CNOT2: variants seen among roughly 807,000 people sequenced by gnomAD.
The protein encoded by CNOT2 is CCR4-NOT transcription complex subunit 2.
Under a neutral mutation model 72.1 loss-of-function variants are expected in CNOT2, and 7 were observed. That is an observed-to-expected ratio of 0.10 (90% confidence interval 0.06 to 0.18). The LOEUF is 0.18. Ranked by LOEUF, CNOT2 falls within the 10% of genes least tolerant of loss-of-function variation. The pLI is 1.00. For synonymous variants in CNOT2, 196 were observed against 225.6 expected (o/e 0.87, Z 1.17); for missense variants, 345 against 660.3 (o/e 0.52, Z 5.23).
intron 1 of CNOT2, among the ~76,000 whole-genome samples, chr12:70,276,153 G>C (rs1404123): frequency 6.6e-6 from 1 of 151,966 alleles, no homozygotes; most frequent in African/African-American, 2.4e-5. Flanking sequence ...AAGTGAACTT[G>C]TATCTGGTAA....
At chr12:70,254,242 A>G (rs1958304629) in intron 1 of CNOT2, among the ~76,000 whole-genome samples, 1 of 151,470 alleles carries the variant, frequency 6.6e-6, no homozygotes, top group African/African-American at 2.4e-5. Flanking sequence ...TGTCTCAAAA[A>G]AAAAAAAAAA....
chr12:70,286,234 T>G (rs1322693222), intron 2 of CNOT2, among the ~76,000 whole-genome samples: 1 of 149,314 alleles, frequency 6.7e-6, no homozygotes, highest in Non-Finnish European at 1.5e-5. Context: ...TCTAGGAATG[T>G]ATTTGGGAGT....
At chr12:70,316,379 G>A (rs547121034) in intron 3 of CNOT2, among the ~76,000 whole-genome samples, 1 of 152,116 alleles carries the variant, frequency 6.6e-6, no homozygotes, top group Admixed American at 6.6e-5. Flanking sequence ...CTCATAAAAA[G>A]CATTTCTGTG....
At chr12:70,294,427 C>A in intron 2 of CNOT2, 1 of 389,712 alleles carries the variant, frequency 2.6e-6, no homozygotes, top group Non-Finnish European at 4.3e-6. Flanking sequence ...AATTATTTTT[C>A]TCATAAAACT....
intron 3 of CNOT2, among the ~76,000 whole-genome samples, chr12:70,318,825 T>C (rs959396794): frequency 6.6e-6 from 1 of 151,782 alleles, no homozygotes; most frequent in African/African-American, 2.4e-5. Flanking sequence ...TTTGAGTATA[T>C]AACACTGCTA....
rs547628375 is a variant in CNOT2, at chr12:70,312,351, TA to T, written c.171+1336del. Among the ~76,000 whole-genome samples the T allele has an allele frequency of 2.8e-4, 43 of 152,082 alleles. No individual in the cohort carries two copies. In the South Asian group the frequency reaches 8.7e-3, roughly 31 times the overall value. The stretch of plus-strand genomic sequence containing the variant: ...ATTGCTGTGATTATATAATGAAAGT[TA>T]AGTTTGCTTGGAAAATGTTAATGAA... On this transcript the variant is annotated intron_variant, in intron 3 of 15. Transcript: ENST00000229195.
At chr12:70,258,613 TA>T (rs1173370126) in intron 1 of CNOT2, among the ~76,000 whole-genome samples, 5 of 152,228 alleles carry the variant, frequency 3.3e-5, no homozygotes, top group Non-Finnish European at 5.9e-5. Context: ...CAAAAGAATA[TA>T]GCAGTGTACA....
chr12:70,272,085 A>G (rs1565751724), intron 1 of CNOT2, among the ~76,000 whole-genome samples: 1 of 152,202 alleles, frequency 6.6e-6, no homozygotes, highest in Non-Finnish European at 1.5e-5. Flanking sequence ...CTTACTAGAC[A>G]AGGTGCTTCT....
intron 11 of CNOT2, among the ~76,000 whole-genome samples, chr12:70,341,076 T>C (rs2136064288): frequency 6.6e-6 from 1 of 152,046 alleles, no homozygotes; most frequent in Non-Finnish European, 1.5e-5. Context: ...AGAGACGGGA[T>C]TTCACCATGT....
chr12:70,246,268 AT>A (rs1429874125), intron 1 of CNOT2, among the ~76,000 whole-genome samples: 1 of 152,128 alleles, frequency 6.6e-6, no homozygotes, highest in Non-Finnish European at 1.5e-5. Context: ...GGGATCACAT[AT>A]TTGAAGGCAA....
intron 4 of CNOT2, among the ~76,000 whole-genome samples, chr12:70,328,239 A>G (rs913738180): frequency 2.0e-5 from 3 of 151,938 alleles, no homozygotes; most frequent in Non-Finnish European, 4.4e-5. Context: ...CAAATTTAAG[A>G]TAACGATCAG....
chr12:70,294,838 A>G (rs1303772327), intron 2 of CNOT2, among the ~76,000 whole-genome samples: 1 of 152,206 alleles, frequency 6.6e-6, no homozygotes, highest in Non-Finnish European at 1.5e-5. Context: ...GAACATTTCT[A>G]CCAATCTCTA....
At chr12:70,314,829 C>G (rs1012795467) in intron 3 of CNOT2, among the ~76,000 whole-genome samples, 1 of 148,274 alleles carries the variant, frequency 6.7e-6, no homozygotes, top group South Asian at 2.1e-4. Flanking sequence ...CCCCTTTTCT[C>G]TTTTGTTCTT....
At chr12:70,351,019 A>G (rs992070084) in intron 15 of CNOT2, among the ~76,000 whole-genome samples, 1 of 152,218 alleles carries the variant, frequency 6.6e-6, no homozygotes, top group Non-Finnish European at 1.5e-5. Context: ...TACATAGCCT[A>G]ATTTTATTAA....
intron 1 of CNOT2, among the ~76,000 whole-genome samples, chr12:70,267,953 A>G (rs1263201221): frequency 6.6e-6 from 1 of 152,242 alleles, no homozygotes; most frequent in Non-Finnish European, 1.5e-5. Flanking sequence ...AGGCTTGTGA[A>G]ACTTGAAATA....
chr12:70,299,859 A>G (rs988865317), intron 2 of CNOT2, among the ~76,000 whole-genome samples: 3 of 152,218 alleles, frequency 2.0e-5, no homozygotes, highest in South Asian at 2.1e-4. Context: ...AAGTGTTCCT[A>G]TTTCTCCACA....
intron 2 of CNOT2, among the ~76,000 whole-genome samples, chr12:70,292,622 T>C (rs1030490111): frequency 6.6e-6 from 1 of 152,128 alleles, no homozygotes; most frequent in African/African-American, 2.4e-5. Context: ...GGGAGAATGC[T>C]AACAGGGGAG....
intron 1 of CNOT2, among the ~76,000 whole-genome samples, chr12:70,255,301 C>T (rs1958381318): frequency 6.6e-6 from 1 of 151,950 alleles, no homozygotes; most frequent in Non-Finnish European, 1.5e-5. Context: ...TTGTGAACAT[C>T]GTGTCTGTTT....
chr12:70,291,663 C>T (rs753057484), intron 2 of CNOT2, among the ~76,000 whole-genome samples: 1 of 152,194 alleles, frequency 6.6e-6, no homozygotes, highest in Non-Finnish European at 1.5e-5. Flanking sequence ...GTAGGCCAGG[C>T]GTGGTGGCTC....
Sources: allele counts gnomAD v4.1 joint callset (sites outside exome capture counted in the v4.1 genomes callset), GRCh38; gene constraint gnomAD v4.1.1; transcripts MANE v1.5; gene names NCBI Gene and HGNC (gene_info 2026-07-23, HGNC 2026-07-21).